ATAD2: variants seen among roughly 807,000 people sequenced by gnomAD.
ATAD2 encodes ATPase family AAA domain containing 2.
A neutral mutation model predicts 168.9 loss-of-function variants in ATAD2; 62 were observed. The ratio of observed to expected loss-of-function variants is 0.37; its 90% CI spans 0.30 to 0.45. ATAD2 has a LOEUF of 0.45. Among genes scored for constraint, ATAD2 ranks in the 20% least tolerant of loss-of-function variants. The pLI, the probability that ATAD2 is intolerant of heterozygous loss-of-function variation, is 1.00. For missense variants in ATAD2, 1,419 were observed against 1,667.8 expected, an observed-to-expected ratio of 0.85 and a Z score of 2.60; for synonymous variants, 613 against 571.6, an observed-to-expected ratio of 1.07 and a Z score of -1.03.
chr8:123,336,349 G>GA lies in ATAD2; in HGVS notation c.3211+23dup, dbSNP rs758277554. The GA allele has an allele frequency of 1.7e-5, 26 of 1,559,612 alleles. No individual in the cohort carries two copies. In the Admixed American group the frequency reaches 1.9e-4, roughly 11 times the overall value. On this transcript the variant is annotated intron_variant, in intron 22 of 27. Transcript: ENST00000287394. Reference sequence around the variant, plus strand: ...TAGCTGCCCCCCAACTCAACCCCCTGAAAAAAAATTCACTAATGCTCACCT... The same window carrying GA: ...TAGCTGCCCCCCAACTCAACCCCCTGAAAAAAAAATTCACTAATGCTCACCT...
chr8:123,379,016 T>A (rs1401735930), intron 2 of ATAD2, among the ~76,000 whole-genome samples: 1 of 152,046 alleles, frequency 6.6e-6, no homozygotes, highest in Non-Finnish European at 1.5e-5. Flanking sequence ...CAGGCTGGTA[T>A]CAAACTCCCC....
At chr8:123,346,976 C>T in intron 16 of ATAD2, 116 bp downstream of exon 16, 1 of 1,215,614 alleles carries the variant, frequency 8.2e-7, no homozygotes, top group South Asian at 1.6e-5. Context: ...CCAGGTAAAG[C>T]ATTACCAAAT....
At chr8:123,360,405 G>A (rs1194062211) in intron 9 of ATAD2, among the ~76,000 whole-genome samples, 1 of 151,224 alleles carries the variant, frequency 6.6e-6, no homozygotes, top group African/African-American at 2.4e-5. Context: ...GCAGTGGTGT[G>A]ATCTCGGCTC....
At chr8:123,350,105 T>C (rs558918495) in intron 13 of ATAD2, among the ~76,000 whole-genome samples, 1 of 152,284 alleles carries the variant, frequency 6.6e-6, no homozygotes, top group Middle Eastern at 3.4e-3. Flanking sequence ...ATTTCCACTG[T>C]ATATACATTA....
chr8:123,322,960 T>C lies in ATAD2; in HGVS notation c.4109A>G (p.His1370Arg). 6.2e-7 allele frequency: 1 copy of C among 1,613,860 alleles called. No homozygotes were observed. The highest frequency in any genetic ancestry group is 1.1e-5 in the South Asian group (1 of 90,976). ...SQCIYRHRKD[H>R]DKTSLIQKME... Reference sequence around the variant, plus strand: ...TACCTGAATAAGTGATGTTTTATCATGGTCCTTGCGATGCCGATAAATACA... The same window carrying C: ...TACCTGAATAAGTGATGTTTTATCACGGTCCTTGCGATGCCGATAAATACA... Residue 1370 changes from histidine to arginine, a missense_variant, in exon 27 of 28, where the codon CAT (histidine) becomes CGT (arginine). Physicochemically the swap from His to Arg is conservative, Grantham distance 29. Transcript: ENST00000287394.
intron 13 of ATAD2, among the ~76,000 whole-genome samples, chr8:123,354,867 ATATATAT>A (rs1828588778): frequency 4.5e-5 from 3 of 66,014 alleles, no homozygotes; most frequent in African/African-American, 1.9e-4. Context: ...AAAAAAAAAT[ATATATAT>A]ATATATATAT....
intron 9 of ATAD2, among the ~76,000 whole-genome samples, 161 bp from the exon 10 acceptor site, chr8:123,359,846 T>C (rs892420923): frequency 4.6e-5 from 7 of 152,174 alleles, no homozygotes; most frequent in Non-Finnish European, 8.8e-5. Flanking sequence ...CTGTAATAGG[T>C]CCAGAACTTA....
intron 21 of ATAD2, 66 bp downstream of exon 21, chr8:123,337,559 C>A: frequency 1.4e-6 from 2 of 1,428,816 alleles, no homozygotes; most frequent in Non-Finnish European, 1.9e-6. Flanking sequence ...ATAAACTCTT[C>A]AAATATCCTT....
chr8:123,325,757 TA>T, intron 26 of ATAD2, 135 bp downstream of exon 26: 1 of 1,156,950 alleles, frequency 8.6e-7, no homozygotes, highest in Non-Finnish European at 1.2e-6. Flanking sequence ...AGAAGAACAG[TA>T]AAGGGAAGCT....
intron 1 of ATAD2, among the ~76,000 whole-genome samples, chr8:123,406,562 C>G (rs1012992566): frequency 2.0e-5 from 3 of 151,432 alleles, no homozygotes; most frequent in Non-Finnish European, 4.4e-5. Flanking sequence ...GGCTTTAGCC[C>G]TCCCAACATT....
chr8:123,411,078 C>T (rs1813147595), intron 1 of ATAD2, among the ~76,000 whole-genome samples: 1 of 152,156 alleles, frequency 6.6e-6, no homozygotes, highest in Non-Finnish European at 1.5e-5. Context: ...GAACAGGAGG[C>T]TTGCCACCAT....
upstream of ATAD2, among the ~76,000 whole-genome samples, chr8:123,400,049 A>G (rs1209964380): frequency 6.6e-6 from 1 of 152,068 alleles, no homozygotes; most frequent in African/African-American, 2.4e-5. This position sits in a 1 kb window ranked among gnomAD's most constrained non-coding sequence, Gnocchi z 4.5. Flanking sequence ...TTGTAATCCC[A>G]GCTACTTGGG....
chr8:123,325,248 C>A (rs1563830731), intron 26 of ATAD2, among the ~76,000 whole-genome samples: 1 of 150,820 alleles, frequency 6.6e-6, no homozygotes, highest in Non-Finnish European at 1.5e-5. Context: ...AGGTGCCCAC[C>A]ACCACACCTA....
chr8:123,321,445 G>T (rs1318462291), intron 27 of ATAD2, among the ~76,000 whole-genome samples: 1 of 150,954 alleles, frequency 6.6e-6, no homozygotes, highest in East Asian at 1.9e-4. Context: ...GATGTAGTTA[G>T]AGTTTAGTAT....
intron 26 of ATAD2, 95 bp from the exon 27 acceptor site, chr8:123,323,161 A>G: frequency 5.2e-6 from 7 of 1,355,042 alleles, no homozygotes; most frequent in Non-Finnish European, 6.9e-6. Context: ...TACAAGCCTG[A>G]CAGAGGGTAG....
At position 123,402,124 on chromosome 8, in the gene ATAD2, G is replaced by A. The variant is rs1813010925; in HGVS notation, c.-2281-949C>T. The A allele has an allele frequency of 1.4e-5, 12 of 851,938 alleles. No homozygotes were observed. Among genetic ancestry groups the A allele is most frequent in the South Asian group, 4.2e-5 (3 of 71,830 alleles). 52.8% of individuals were successfully genotyped at this position (851,938 alleles called of 1,614,324 possible). On this transcript the variant is annotated intron_variant, in intron 1 of 28. Coordinates refer to the ATAD2 transcript ENST00000521903. This position sits in a 1 kb window ranked among gnomAD's most constrained non-coding sequence, Gnocchi z 4.8. ...GGCTGTACTGACAGCAGTGGAGGCCGAGGTGGTGGAGGGGGCACCCCCCAG... is the reference window on the plus strand; with the variant it reads ...GGCTGTACTGACAGCAGTGGAGGCCAAGGTGGTGGAGGGGGCACCCCCCAG...
intron 13 of ATAD2, 112 bp from the exon 14 acceptor site, chr8:123,349,556 T>G: frequency 1.1e-6 from 1 of 949,874 alleles, no homozygotes; most frequent in Non-Finnish European, 1.5e-6. Flanking sequence ...ATAAATTTTC[T>G]CAGGGCACCT....
At chr8:123,377,118 A>T (rs952895622) in intron 2 of ATAD2, among the ~76,000 whole-genome samples, 1 of 146,952 alleles carries the variant, frequency 6.8e-6, no homozygotes, top group Non-Finnish European at 1.5e-5. Flanking sequence ...AAAAAGAGCC[A>T]GGTGTGGTGG....
chr8:123,379,501 G>A (rs990478852), intron 2 of ATAD2, among the ~76,000 whole-genome samples: 2 of 151,820 alleles, frequency 1.3e-5, no homozygotes, highest in Admixed American at 1.3e-4. Flanking sequence ...CTTGTTAGCT[G>A]TACTCATATG....
Sources: allele counts gnomAD v4.1 joint callset (sites outside exome capture counted in the v4.1 genomes callset), GRCh38; gene constraint gnomAD v4.1.1; non-coding constraint Gnocchi (gnomAD v3.1); transcripts MANE v1.5; gene names NCBI Gene and HGNC (gene_info 2026-07-23, HGNC 2026-07-21).